MSRA: variants seen among roughly 807,000 people sequenced by gnomAD.
The protein encoded by MSRA is methionine sulfoxide reductase A.
In MSRA, 54 loss-of-function variants were observed where a neutral mutation model predicts 31.3. The ratio of observed to expected loss-of-function variants is 1.73; its 90% CI spans 1.39 to 2.17. The LOEUF is 2.17. Ranked by LOEUF, MSRA falls within the 30% of genes most tolerant of loss-of-function variation. The pLI, the probability that MSRA is intolerant of heterozygous loss-of-function variation, is 0.00. For synonymous variants in MSRA, 169 were observed against 116.5 expected (o/e 1.45, Z -2.90); for missense variants, 507 against 300.9 (o/e 1.69, Z -5.07).
intron 1 of MSRA, among the ~76,000 whole-genome samples, chr8:10,087,858 C>A (rs1798647973): frequency 6.6e-6 from 1 of 152,184 alleles, no homozygotes; most frequent in East Asian, 1.9e-4. Flanking sequence ...TCTCCAAATG[C>A]AGTAGACTTT....
At chr8:10,326,735 C>T (rs749777986) in intron 5 of MSRA, 1 of 152,012 alleles carries the variant, frequency 6.6e-6, no homozygotes, top group Non-Finnish European at 1.5e-5. Context: ...GAGTTATTTG[C>T]TTATAGCACT....
intron 4 of MSRA, among the ~76,000 whole-genome samples, chr8:10,307,099 T>C (rs1801179982): frequency 6.6e-6 from 1 of 152,006 alleles, no homozygotes; most frequent in African/African-American, 2.4e-5. Context: ...AAAGCTCAGG[T>C]CTATTTTCTT....
intron 1 of MSRA, among the ~76,000 whole-genome samples, chr8:10,120,819 C>G (rs1221840415): frequency 2.6e-5 from 4 of 152,158 alleles, no homozygotes; most frequent in Admixed American, 2.6e-4. Flanking sequence ...GCTGGCTAGC[C>G]TACATGGTTT....
At chr8:10,236,243 G>T (rs1019762647) in intron 2 of MSRA, among the ~76,000 whole-genome samples, 13 of 152,138 alleles carry the variant, frequency 8.5e-5, no homozygotes, top group Admixed American at 6.5e-4. Flanking sequence ...AGCATTGTAT[G>T]GAAGGTCCTA....
chr8:10,113,289 C>CTTTTTTTTTTTTTTTTTTTTTTTTTTTTT lies in MSRA; in HGVS notation c.142+58633_142+58634insTTTTTTTTTTTTTTTTTTTTTTTTTTTTT, dbSNP rs1467440154. Among the ~76,000 whole-genome samples the CTTTTTTTTTTTTTTTTTTTTTTTTTTTTT allele has an allele frequency of 1.6e-4, 8 of 50,906 alleles. 1 individual carries two copies. Among genetic ancestry groups the CTTTTTTTTTTTTTTTTTTTTTTTTTTTTT allele is most frequent in the African/African-American group, 2.2e-4 (2 of 9,076 alleles). 33.4% of individuals were successfully genotyped at this position (50,906 alleles called of 152,430 possible). ...AGGCATGGCTTTGGTGAAGACAGGTCTTCTTTTTTTTTTTTTTTTTTTTTT... is the reference window on the plus strand; with the variant it reads ...AGGCATGGCTTTGGTGAAGACAGGTCTTTTTTTTTTTTTTTTTTTTTTTTTTTTTTTCTTTTTTTTTTTTTTTTTTTTTT... On this transcript the variant is annotated intron_variant, in intron 1 of 5. Coordinates refer to ENST00000317173, the MANE Select transcript of MSRA (RefSeq NM_012331.5).
intron 1 of MSRA, among the ~76,000 whole-genome samples, chr8:10,135,671 C>G (rs1028191078): frequency 2.0e-5 from 3 of 152,178 alleles, no homozygotes; most frequent in Non-Finnish European, 4.4e-5. Context: ...TCGCGTGCCC[C>G]TATGCTAAAT....
At chr8:10,340,929 A>G (rs17151790) in intron 5 of MSRA, among the ~76,000 whole-genome samples, 5,774 of 152,304 alleles carry the variant, frequency 0.038, 160 homozygotes, top group Non-Finnish European at 0.064. Flanking sequence ...GAGAAAAAAG[A>G]TGCCCCTGAT....
intron 2 of MSRA, among the ~76,000 whole-genome samples, chr8:10,226,487 C>T (rs2129070487): frequency 6.6e-6 from 1 of 152,316 alleles, no homozygotes; most frequent in South Asian, 2.1e-4. Flanking sequence ...GAGCTGAGAT[C>T]ATTCTACTAT....
chr8:10,364,725 A>G (rs1805057374), intron 5 of MSRA, among the ~76,000 whole-genome samples: 1 of 152,210 alleles, frequency 6.6e-6, no homozygotes, highest in African/African-American at 2.4e-5. Flanking sequence ...GGCACAGTTC[A>G]TTCCCTCGGC....
chr8:10,163,305 A>C (rs902363493), intron 1 of MSRA, among the ~76,000 whole-genome samples: 1 of 152,162 alleles, frequency 6.6e-6, no homozygotes, highest in Non-Finnish European at 1.5e-5. Context: ...AGGTGTGCTG[A>C]GAATGTAGGG....
intron 3 of MSRA, among the ~76,000 whole-genome samples, chr8:10,250,016 G>GT (rs1797834760): frequency 1.3e-5 from 2 of 152,184 alleles, no homozygotes; most frequent in Non-Finnish European, 2.9e-5. Flanking sequence ...AAGAATACTA[G>GT]TTCCTGTCTT....
intron 5 of MSRA, among the ~76,000 whole-genome samples, chr8:10,373,608 C>A (rs1036175504): frequency 6.6e-6 from 1 of 152,210 alleles, no homozygotes; most frequent in Non-Finnish European, 1.5e-5. Flanking sequence ...AGGGCAGGAA[C>A]TGGGCCTGGA....
intron 3 of MSRA, 90 bp downstream of exon 3, chr8:10,245,313 AT>A (rs1165601321): frequency 1.1e-5 from 13 of 1,232,798 alleles, no homozygotes; most frequent in Non-Finnish European, 1.5e-5. Flanking sequence ...AAATGGAAAT[AT>A]GTTTTTTTAA....
intron 5 of MSRA, among the ~76,000 whole-genome samples, chr8:10,328,104 C>G (rs1802481345): frequency 2.4e-5 from 3 of 126,570 alleles, no homozygotes; most frequent in African/African-American, 9.2e-5. Flanking sequence ...GGGTCTAGAA[C>G]TACCCTCTGG....
At chr8:10,379,012 G>T (rs568759054) in intron 5 of MSRA, among the ~76,000 whole-genome samples, 1 of 152,078 alleles carries the variant, frequency 6.6e-6, no homozygotes, top group Non-Finnish European at 1.5e-5. Context: ...ATTTTTTTAC[G>T]CAGACATGCT....
chr8:10,354,750 G>GTATATATATATATA (rs754778002), intron 5 of MSRA, among the ~76,000 whole-genome samples: 54 of 138,384 alleles, frequency 3.9e-4, no homozygotes, highest in African/African-American at 1.5e-3. Context: ...GTGTGTGTGT[G>GTATATATATATATA]TATATATATA....
intron 1 of MSRA, 86 bp from the exon 2 acceptor site, chr8:10,207,747 T>C: frequency 1.6e-6 from 2 of 1,232,954 alleles, no homozygotes; most frequent in Non-Finnish European, 2.2e-6. Flanking sequence ...AAAGGAGAAA[T>C]AGGCTCATTG....
At chr8:10,337,660 C>A in intron 5 of MSRA, 1 of 695,136 alleles carries the variant, frequency 1.4e-6, no homozygotes, top group Non-Finnish European at 2.6e-6. Context: ...TAGTGTCATC[C>A]GGTGAATGAT....
At chr8:10,089,448 A>G (rs1000715607) in intron 1 of MSRA, among the ~76,000 whole-genome samples, 3 of 152,172 alleles carry the variant, frequency 2.0e-5, no homozygotes, top group South Asian at 2.1e-4. Flanking sequence ...AAAATGCCTC[A>G]TATTTGTGAA....
Sources: allele counts gnomAD v4.1 joint callset (sites outside exome capture counted in the v4.1 genomes callset), GRCh38; gene constraint gnomAD v4.1.1; transcripts MANE v1.5; gene names NCBI Gene and HGNC (gene_info 2026-07-23, HGNC 2026-07-21).